Variants in MSRA observed in about 807,000 individuals in gnomAD.
MSRA encodes the protein methionine sulfoxide reductase A.
Under a neutral mutation model 31.3 loss-of-function variants are expected in MSRA, and 54 were observed. The observed-to-expected ratio is 1.73, with a 90% CI of 1.39 to 2.17. The LOEUF is 2.17. Ranked by LOEUF, MSRA falls within the 30% of genes most tolerant of loss-of-function variation. The pLI, the probability that MSRA is intolerant of heterozygous loss-of-function variation, is 0.00. For missense variants in MSRA, 507 were observed against 300.9 expected (o/e 1.69, Z -5.07); for synonymous variants, 169 against 116.5 (o/e 1.45, Z -2.90).
chr8:10,261,065 A>G (rs1798453778), intron 3 of MSRA, among the ~76,000 whole-genome samples: 1 of 152,214 alleles, frequency 6.6e-6, no homozygotes, highest in South Asian at 2.1e-4. Context: ...TAAAAACCAA[A>G]TAGTACTAAA....
intron 1 of MSRA, among the ~76,000 whole-genome samples, chr8:10,151,867 G>A (rs1206985242): frequency 6.6e-6 from 1 of 152,144 alleles, no homozygotes; most frequent in Non-Finnish European, 1.5e-5. Flanking sequence ...TAAAGGCCAA[G>A]GTCATTTAAA....
chr8:10,334,182 G>T (rs1189811107), intron 5 of MSRA, among the ~76,000 whole-genome samples: 5 of 98,462 alleles, frequency 5.1e-5, no homozygotes, highest in African/African-American at 7.0e-5. Context: ...GTGTGTGTGT[G>T]TATTTATGTG....
intron 5 of MSRA, 65 bp downstream of exon 5, chr8:10,320,054 T>G (rs781481382): frequency 2.0e-6 from 2 of 994,594 alleles, no homozygotes; most frequent in Non-Finnish European, 3.0e-6. Context: ...GTTCTGATTT[T>G]AGAGGGCAGT....
chr8:10,421,596 G>A (rs1260658385), intron 5 of MSRA, among the ~76,000 whole-genome samples: 1 of 152,124 alleles, frequency 6.6e-6, no homozygotes, highest in Non-Finnish European at 1.5e-5. Flanking sequence ...GCTGCAGTCA[G>A]CAGAATGATC....
intron 1 of MSRA, chr8:10,059,180 A>T (rs946089731): frequency 6.6e-6 from 1 of 152,228 alleles, no homozygotes; most frequent in African/African-American, 2.4e-5. Flanking sequence ...ATGGAAAAAA[A>T]GGTTGGATCT....
chr8:10,060,725 G>C (rs759171816), intron 1 of MSRA, among the ~76,000 whole-genome samples: 1 of 151,070 alleles, frequency 6.6e-6, no homozygotes, highest in South Asian at 2.1e-4. Flanking sequence ...ACATTTTGGC[G>C]TGATTGAAAA....
At chr8:10,082,361 C>G (rs1763940810) in intron 1 of MSRA, among the ~76,000 whole-genome samples, 1 of 152,148 alleles carries the variant, frequency 6.6e-6, no homozygotes, top group South Asian at 2.1e-4. Flanking sequence ...ACCTCTAACC[C>G]TGGTTATTCC....
At chr8:10,206,274 T>C (rs1286588957) in intron 1 of MSRA, among the ~76,000 whole-genome samples, 1 of 152,200 alleles carries the variant, frequency 6.6e-6, no homozygotes, top group Non-Finnish European at 1.5e-5. Context: ...GACAGGGTCC[T>C]TCCATCACAC....
At chr8:10,338,107 G>T (rs1030450742) in intron 5 of MSRA, among the ~76,000 whole-genome samples, 8 of 152,202 alleles carry the variant, frequency 5.3e-5, no homozygotes, top group African/African-American at 1.9e-4. Flanking sequence ...GCAGGAGTAG[G>T]AAAGAAAACT....
intron 5 of MSRA, among the ~76,000 whole-genome samples, chr8:10,402,410 G>A (rs969676697): frequency 6.6e-6 from 1 of 152,214 alleles, no homozygotes; most frequent in African/African-American, 2.4e-5. Flanking sequence ...CTGCTTTCTG[G>A]CCTGGAAGTC....
intron 1 of MSRA, among the ~76,000 whole-genome samples, chr8:10,149,478 A>G (rs1348706012): frequency 1.3e-5 from 2 of 152,178 alleles, no homozygotes; most frequent in Admixed American, 6.5e-5. Context: ...AGGCCCCTCC[A>G]GGGCCTGTGC....
chr8:10,118,803 C>T (rs1800881447), intron 1 of MSRA, among the ~76,000 whole-genome samples: 1 of 152,138 alleles, frequency 6.6e-6, no homozygotes, highest in African/African-American at 2.4e-5. Flanking sequence ...TCTAAGCTAC[C>T]CCAATTCCCA....
chr8:10,203,539 C>T (rs551913325), intron 1 of MSRA, among the ~76,000 whole-genome samples: 1 of 152,296 alleles, frequency 6.6e-6, no homozygotes, highest in Admixed American at 6.5e-5. Flanking sequence ...GACATCGTAG[C>T]ACAACACATT....
chr8:10,376,057 T>G (rs1805740432), intron 5 of MSRA, among the ~76,000 whole-genome samples: 1 of 152,164 alleles, frequency 6.6e-6, no homozygotes, highest in African/African-American at 2.4e-5. Context: ...AGATTGCGTC[T>G]TCGTGCAGCT....
At chr8:10,064,001 A>G (rs1797335414) in intron 1 of MSRA, among the ~76,000 whole-genome samples, 1 of 152,168 alleles carries the variant, frequency 6.6e-6, no homozygotes, top group South Asian at 2.1e-4. Context: ...AGCTGGAACT[A>G]GGGCTTTGGG....
At chr8:10,132,553 G>C (rs1801973866) in intron 1 of MSRA, among the ~76,000 whole-genome samples, 1 of 152,168 alleles carries the variant, frequency 6.6e-6, no homozygotes. Context: ...TGGCAGATTT[G>C]GTGTCTGATG....
chr8:10,299,047 CA>C (rs1800696815), intron 3 of MSRA, among the ~76,000 whole-genome samples: 1 of 152,182 alleles, frequency 6.6e-6, no homozygotes, highest in African/African-American at 2.4e-5. Flanking sequence ...GTATCCTCAA[CA>C]GCACTAAGAT....
intron 1 of MSRA, among the ~76,000 whole-genome samples, chr8:10,070,780 T>C (rs1797694739): frequency 1.3e-5 from 2 of 152,210 alleles, no homozygotes; most frequent in African/African-American, 4.8e-5. Context: ...ATTGGCTTTT[T>C]TCAGTCAGCA....
chr8:10,242,174 G>A (rs549866276), intron 2 of MSRA, among the ~76,000 whole-genome samples: 3 of 152,040 alleles, frequency 2.0e-5, no homozygotes, highest in South Asian at 2.1e-4. Flanking sequence ...GGGAGGGTGC[G>A]GCAGAAGAAT....
Sources: allele counts gnomAD v4.1 joint callset (sites outside exome capture counted in the v4.1 genomes callset), GRCh38; gene constraint gnomAD v4.1.1; transcripts MANE v1.5; gene names NCBI Gene and HGNC (gene_info 2026-07-23, HGNC 2026-07-21).